CAMKMT: variants seen among roughly 807,000 people sequenced by gnomAD.
CAMKMT encodes the protein CaM KMT.
CAMKMT carries 53 observed loss-of-function variants against 48.0 expected under a neutral mutation model. That is an observed-to-expected ratio of 1.10 (90% CI 0.89 to 1.39). CAMKMT has a LOEUF of 1.39. Among genes scored for constraint, CAMKMT ranks in the 40% most tolerant of loss-of-function variants. CAMKMT has a pLI of 0.00. For missense variants in CAMKMT, 428 were observed against 402.7 expected, an observed-to-expected ratio of 1.06 and a Z score of -0.54; for synonymous variants, 165 against 152.3, an observed-to-expected ratio of 1.08 and a Z score of -0.61.
chr2:44,764,991 G>A (rs1337856611), intron 9 of CAMKMT, among the ~76,000 whole-genome samples: 3 of 152,154 alleles, frequency 2.0e-5, no homozygotes, highest in African/African-American at 7.2e-5. Context: ...GGGAGGCCAA[G>A]GTGGGAGGAC....
At chr2:44,739,832 G>T (rs190909147) in intron 7 of CAMKMT, among the ~76,000 whole-genome samples, 16 of 152,326 alleles carry the variant, frequency 1.1e-4, no homozygotes, top group Admixed American at 6.5e-4. Context: ...TAACTGTCAG[G>T]AGAGGATATT....
intron 3 of CAMKMT, among the ~76,000 whole-genome samples, chr2:44,682,652 C>T (rs775100027): frequency 3.9e-5 from 6 of 152,118 alleles, no homozygotes; most frequent in Non-Finnish European, 7.4e-5. Context: ...GGCAGACGAC[C>T]GAGCTATCAC....
At chr2:44,417,061 G>T (rs555447934) in intron 3 of CAMKMT, among the ~76,000 whole-genome samples, 5 of 151,994 alleles carry the variant, frequency 3.3e-5, no homozygotes, top group Non-Finnish European at 7.4e-5. Context: ...AGCCTCCTGG[G>T]TTGCTGGGAT....
chr2:44,383,950 C>A (rs1299385489), intron 2 of CAMKMT, among the ~76,000 whole-genome samples: 1 of 152,124 alleles, frequency 6.6e-6, no homozygotes, highest in Non-Finnish European at 1.5e-5. Flanking sequence ...GTGCAAGGGT[C>A]TTTTTCGAAT....
chr2:44,440,978 C>G (rs1666621223), intron 3 of CAMKMT, among the ~76,000 whole-genome samples: 1 of 152,160 alleles, frequency 6.6e-6, no homozygotes, highest in African/African-American at 2.4e-5. Flanking sequence ...GCCACCCCTA[C>G]TAATTTGAAT....
chr2:44,623,131 T>C (rs1156420825), intron 3 of CAMKMT, among the ~76,000 whole-genome samples: 1 of 152,238 alleles, frequency 6.6e-6, no homozygotes, highest in Admixed American at 6.5e-5. Flanking sequence ...ATGTCTTCTT[T>C]TGAGAAGTGT....
At chr2:44,563,350 T>C (rs1326981285) in intron 3 of CAMKMT, among the ~76,000 whole-genome samples, 1 of 151,816 alleles carries the variant, frequency 6.6e-6, no homozygotes, top group African/African-American at 2.4e-5. Context: ...AATTTTCTTC[T>C]ACAATATTAT....
intron 3 of CAMKMT, among the ~76,000 whole-genome samples, chr2:44,692,927 T>A (rs964877486): frequency 6.6e-6 from 1 of 152,192 alleles, no homozygotes; most frequent in African/African-American, 2.4e-5. Flanking sequence ...CATATAAAAT[T>A]GAAGGAAAAT....
At chr2:44,734,111 G>A (rs1194146981) in intron 7 of CAMKMT, among the ~76,000 whole-genome samples, 1 of 148,692 alleles carries the variant, frequency 6.7e-6, no homozygotes, top group East Asian at 2.0e-4. Flanking sequence ...TTCTGGTCAA[G>A]TTTAACTTAC....
intron 3 of CAMKMT, chr2:44,395,004 C>A (rs1333337782): frequency 4.5e-6 from 2 of 446,998 alleles, no homozygotes; most frequent in Non-Finnish European, 9.0e-6. Context: ...AAAAAAAAGA[C>A]AATCAAATAT....
chr2:44,519,173 C>T (rs950449390), intron 3 of CAMKMT, among the ~76,000 whole-genome samples: 1 of 152,146 alleles, frequency 6.6e-6, no homozygotes. Context: ...GTTGAAATTG[C>T]TGCTATTGTG....
intron 3 of CAMKMT, among the ~76,000 whole-genome samples, chr2:44,624,284 G>C (rs1332583352): frequency 2.0e-5 from 3 of 152,030 alleles, no homozygotes; most frequent in Admixed American, 6.6e-5. Context: ...TCTAGGAATG[G>C]AATGGCTGGG....
At chr2:44,732,765 G>T (rs1031362435) in intron 7 of CAMKMT, among the ~76,000 whole-genome samples, 4 of 152,064 alleles carry the variant, frequency 2.6e-5, no homozygotes, top group African/African-American at 9.7e-5. Flanking sequence ...AAAAAATTGG[G>T]TTGCTTGTTT....
chr2:44,440,980 A>G (rs1455662773), intron 3 of CAMKMT, among the ~76,000 whole-genome samples: 1 of 152,098 alleles, frequency 6.6e-6, no homozygotes, highest in African/African-American at 2.4e-5. Context: ...CACCCCTACT[A>G]ATTTGAATTC....
Position 44,706,310 on chromosome 2 carries a change from G to T in CAMKMT, c.461G>T (p.Gly154Val), listed in dbSNP as rs533364037. The T allele has an allele frequency of 1.2e-6, 2 of 1,613,304 alleles. No homozygotes were observed. The highest frequency in any genetic ancestry group is 1.7e-6 in the Non-Finnish European group (2 of 1,179,510). ...IFRALAVCELGGGMTCLAGLM... is the reference protein window; with the variant it reads ...IFRALAVCELVGGMTCLAGLM... ...AGGGCCCTTGCTGTGTGTGAGCTAGGGGGTGGCATGACATGCTTGGCTGGG... is the reference window on the plus strand; with the variant it reads ...AGGGCCCTTGCTGTGTGTGAGCTAGTGGGTGGCATGACATGCTTGGCTGGG... The change falls in exon 5 of 11, where the codon GGG becomes GTG. Residue 154 changes from glycine (G) to valine (V), a missense_variant. By Grantham distance (109) the Gly-to-Val change is moderately radical (BLOSUM62 -3). Transcript: ENST00000378494.
At position 44,589,749 on chromosome 2, in the gene CAMKMT, C is replaced by G. The variant is rs1297448787; in HGVS notation, c.377-114534C>G. On this transcript the variant is annotated intron_variant, in intron 3 of 10. Coordinates refer to ENST00000378494, the MANE Select transcript of CAMKMT (RefSeq NM_024766.5). ...CAAGTACCCAGGGACACAAACACTG[C>G]GGAAGGCCGCAGGGTCCTCTGCCTA... 3.5e-4 allele frequency among the ~76,000 whole-genome samples: 28 copies of G among 79,870 alleles called. 10 individuals are homozygous for G. The highest frequency in any genetic ancestry group is 1.9e-4 in the Non-Finnish European group (7 of 36,648). The allele number at this position is 79,870 out of a possible 152,430, so 52.4% of individuals were successfully genotyped here. A position where few individuals can be genotyped will look rare whatever the true frequency, so the allele number is the denominator to read the frequency against.
At chr2:44,362,841 T>A (rs1678080389) in intron 1 of CAMKMT, among the ~76,000 whole-genome samples, 1 of 152,228 alleles carries the variant, frequency 6.6e-6, no homozygotes, top group African/African-American at 2.4e-5. Flanking sequence ...ACTCCACTCG[T>A]GCAAGCTTGA....
rs565752973 is a variant in CAMKMT at position 44,379,738 on chromosome 2, C to G, written c.311+6850C>G. Among the ~76,000 whole-genome samples the G allele has an allele frequency of 5.3e-5, 8 of 150,886 alleles. No individual in the cohort carries two copies. In the South Asian group the frequency reaches 1.3e-3, roughly 24 times the overall value. ...TTTTTTTCTTTTTTTTGAGAAATGCCTATTCAAGTTCTCTGCCTGCTTTTT... is the reference window on the plus strand; with the variant it reads ...TTTTTTTCTTTTTTTTGAGAAATGCGTATTCAAGTTCTCTGCCTGCTTTTT... On this transcript the variant is annotated intron_variant, in intron 2 of 10. Transcript: ENST00000378494.
Position 44,448,455 on chromosome 2 carries a change from C to G in CAMKMT, c.376+58150C>G, listed in dbSNP as rs185961457. 2.6e-5 allele frequency among the ~76,000 whole-genome samples: 4 copies of G among 152,298 alleles called. No homozygotes were observed. The East Asian group carries it at 7.7e-4, about 29-fold the overall frequency. On this transcript the variant is annotated intron_variant, in intron 3 of 10. Transcript: ENST00000378494. Reference sequence around the variant, plus strand: ...CGTGAGAATTTCTTTGGGCTGTACACCCAGGTATAAGATTGCTGGGTCTTT... The same window carrying G: ...CGTGAGAATTTCTTTGGGCTGTACAGCCAGGTATAAGATTGCTGGGTCTTT...
Sources: allele counts gnomAD v4.1 joint callset (sites outside exome capture counted in the v4.1 genomes callset), GRCh38; gene constraint gnomAD v4.1.1; transcripts MANE v1.5; gene names NCBI Gene and HGNC (gene_info 2026-07-23, HGNC 2026-07-21).